FANCA: variants seen among roughly 807,000 people sequenced by gnomAD.
The protein encoded by FANCA is Fanconi anemia group A protein.
Under a neutral mutation model 194.3 loss-of-function variants are expected in FANCA, and 236 were observed. The observed-to-expected ratio is 1.21, with a 90% CI of 1.09 to 1.35. The LOEUF is 1.35. Ranked by LOEUF, FANCA falls within the 40% of genes most tolerant of loss-of-function variation. The probability of loss-of-function intolerance (pLI) is 0.00; values close to 1 mark genes in which losing one functional copy is unlikely to be tolerated. For synonymous variants in FANCA, 1,014 were observed against 715.8 expected (o/e 1.42, Z -6.65); for missense variants, 2,628 against 1,813.9 (o/e 1.45, Z -8.15).
intron 16 of FANCA, 30 bp from the exon 17 acceptor site, chr16:89,782,948 A>G (rs753722356): frequency 6.2e-7 from 1 of 1,613,494 alleles, no homozygotes; most frequent in Non-Finnish European, 8.5e-7. Flanking sequence ...TGAGAACAAG[A>G]AAACAAAGCA....
rs777539105 is a variant in FANCA, at chr16:89,738,073, C to T, written c.*528G>A. On this transcript the variant is annotated 3_prime_UTR_variant, in exon 43 of 43. Transcript: ENST00000389301. ...GACTGAGCTGGACTTTGCCTGTGAC[C>T]AGTGTGGCCGGCGGTTTGAGAAGGC... The T allele has an allele frequency of 3.7e-6, 6 of 1,614,122 alleles. No homozygotes were observed. The highest frequency in any genetic ancestry group is 5.1e-6 in the Non-Finnish European group (6 of 1,180,042).
intron 28 of FANCA, 85 bp downstream of exon 28, chr16:89,764,805 A>C: frequency 6.7e-7 from 1 of 1,481,604 alleles, no homozygotes; most frequent in Non-Finnish European, 9.4e-7. Context: ...ACGGTCACCT[A>C]CGTGCTGCTG....
chr16:89,751,740 G>C (rs938886848), intron 31 of FANCA, among the ~76,000 whole-genome samples: 4 of 152,058 alleles, frequency 2.6e-5, no homozygotes, highest in Admixed American at 2.6e-4. Flanking sequence ...CAAAGTACTG[G>C]GATTACAAGC....
At chr16:89,792,272 CAAG>C (rs2040102448) in intron 12 of FANCA, among the ~76,000 whole-genome samples, 196 bp downstream of exon 12, 1 of 152,180 alleles carries the variant, frequency 6.6e-6, no homozygotes, top group African/African-American at 2.4e-5. Flanking sequence ...CTCCCTATCT[CAAG>C]GAGGAGGGGC....
intron 7 of FANCA, among the ~76,000 whole-genome samples, chr16:89,804,189 G>C (rs2040554300): frequency 6.6e-6 from 1 of 152,100 alleles, no homozygotes; most frequent in Non-Finnish European, 1.5e-5. Flanking sequence ...CCACCAAAAA[G>C]CTTTAGGAAA....
At chr16:89,815,648 GC>G (rs1567658815) in intron 2 of FANCA, among the ~76,000 whole-genome samples, 2 of 152,062 alleles carry the variant, frequency 1.3e-5, no homozygotes, top group African/African-American at 4.8e-5. Context: ...GAGCCACGGC[GC>G]CCGGCCTGTT....
chr16:89,740,636 C>CAAAA (rs371709074), intron 38 of FANCA, 168 bp downstream of exon 38: 1,817 of 458,692 alleles, frequency 4.0e-3, no homozygotes, highest in East Asian at 0.01. Flanking sequence ...ACCCCCATCT[C>CAAAA]AAAAAAAAAA....
At chr16:89,756,383 C>G (rs2143204746) in intron 30 of FANCA, among the ~76,000 whole-genome samples, 1 of 152,320 alleles carries the variant, frequency 6.6e-6, no homozygotes, top group Middle Eastern at 3.4e-3. Flanking sequence ...AATCCCAGCA[C>G]TTTGGGAGGC....
At chr16:89,786,480 C>T (rs994804647) in intron 14 of FANCA, among the ~76,000 whole-genome samples, 5 of 152,018 alleles carry the variant, frequency 3.3e-5, no homozygotes, top group Non-Finnish European at 5.9e-5. Context: ...TCTGACCTAG[C>T]TAATTTTTGT....
chr16:89,783,948 A>G (rs904220225), intron 15 of FANCA, among the ~76,000 whole-genome samples: 2 of 152,064 alleles, frequency 1.3e-5, no homozygotes, highest in African/African-American at 4.8e-5. Context: ...TTCAGTAGAC[A>G]GGGGGTTTCT....
At chr16:89,808,578 C>G (rs2040754753) in intron 5 of FANCA, among the ~76,000 whole-genome samples, 1 of 152,184 alleles carries the variant, frequency 6.6e-6, no homozygotes, top group South Asian at 2.1e-4. Context: ...TTTGGGCACC[C>G]ACACACCGTT....
intron 37 of FANCA, among the ~76,000 whole-genome samples, chr16:89,741,149 T>TG (rs1239235931): frequency 1.3e-5 from 2 of 152,194 alleles, no homozygotes; most frequent in African/African-American, 4.8e-5. Context: ...TCCTTGGCTG[T>TG]GCGCAGTCCC....
In FANCA at chr16:89,738,728, C is replaced by A; in HGVS notation, c.4261-20G>T. ...CAGCAGCTGTGAGAGAGGAGCAGGT[C>A]CTCAGCCCATGCCGCCCACTAGGCC... On this transcript the variant is annotated intron_variant, in intron 42 of 42. Transcript: ENST00000389301. 2 of 1,613,488 alleles carry A rather than the reference C, an allele frequency of 1.2e-6. No homozygotes were observed. The highest frequency in any genetic ancestry group is 1.7e-6 in the Non-Finnish European group (2 of 1,179,782).
In FANCA at chr16:89,748,728, G is replaced by A. The variant is rs575863400; in HGVS notation, c.3279C>T (p.Ser1093=). ...LRLPSSVLCG[S]SFQAEQPITA... ...TGATGGGCTGTTCTGCCTGGAAGCT[G>A]CTGCCGCAGAGGACAGACGAAGGCA... Residue 1093 remains serine (S), a synonymous_variant, in exon 33 of 43, where the codon AGC becomes AGT. Coordinates refer to ENST00000389301, the MANE Select transcript of FANCA (RefSeq NM_000135.4). 14 of 1,614,114 alleles carry A rather than the reference G, an allele frequency of 8.7e-6. No individual in the cohort carries two copies. In the African/African-American group the frequency reaches 1.7e-4, roughly 20 times the overall value.
intron 28 of FANCA, 162 bp downstream of exon 28, chr16:89,764,728 C>G: frequency 1.2e-6 from 1 of 855,586 alleles, no homozygotes; most frequent in Non-Finnish European, 2.0e-6. Context: ...ACCCTAGACT[C>G]GAGACGAGGA....
chr16:89,789,450 T>C (rs2039999253), intron 14 of FANCA, among the ~76,000 whole-genome samples: 1 of 148,434 alleles, frequency 6.7e-6, no homozygotes, highest in African/African-American at 2.5e-5. Flanking sequence ...TTTTTTTTTT[T>C]TTTTTTTTGA....
chr16:89,796,915 T>C (rs1022313027), intron 10 of FANCA, among the ~76,000 whole-genome samples: 1 of 151,946 alleles, frequency 6.6e-6, no homozygotes, highest in Non-Finnish European at 1.5e-5. Context: ...TCCCAGCACT[T>C]TGGGAGGCCA....
chr16:89,748,817 T>C (rs1311924922), intron 32 of FANCA, 50 bp from the exon 33 acceptor site: 1 of 1,483,450 alleles, frequency 6.7e-7, no homozygotes. Context: ...TACACTCTGC[T>C]CCTTCCCAAG....
At chr16:89,768,635 G>T (rs931014395) in intron 26 of FANCA, among the ~76,000 whole-genome samples, 2 of 151,816 alleles carry the variant, frequency 1.3e-5, no homozygotes, top group African/African-American at 2.4e-5. Context: ...CAGCCTGGAC[G>T]ATAGAGTGAG....
Sources: gnomAD v4.1 joint callset for allele counts (sites outside exome capture counted in the v4.1 genomes callset) on GRCh38, gnomAD v4.1.1 for gene constraint, MANE v1.5 for transcripts, NCBI Gene and HGNC (gene_info 2026-07-23, HGNC 2026-07-21) for gene names.